Variants in WDPCP observed in about 807,000 individuals in gnomAD.
The protein encoded by WDPCP is WD repeat containing planar cell polarity effector.
In WDPCP, 71 loss-of-function variants were observed where a neutral mutation model predicts 93.1. That is an observed-to-expected ratio of 0.76 (90% CI 0.63 to 0.93). WDPCP has a LOEUF of 0.93. WDPCP is among the 40% of genes least tolerant of loss of function. The probability of loss-of-function intolerance (pLI) is 0.00; values close to 1 mark genes in which losing one functional copy is unlikely to be tolerated. For missense variants in WDPCP, 844 were observed against 887.4 expected (o/e 0.95, Z 0.62); for synonymous variants, 315 against 315.0 (o/e 1.00, Z 0.00).
intron 9 of WDPCP, 40 bp from the exon 10 acceptor site, chr2:63,404,697 G>C (rs752430931): frequency 2.5e-6 from 4 of 1,611,026 alleles, no homozygotes; most frequent in Middle Eastern, 3.3e-4. Context: ...ATAAACTTTG[G>C]TTTTTCTTCA....
chr2:63,121,834 T>G lies in WDPCP; in HGVS notation c.*172A>C. The G allele has an allele frequency of 7.2e-7, 1 of 1,396,280 alleles. No homozygotes were observed. The highest frequency in any genetic ancestry group is 9.4e-7 in the Non-Finnish European group (1 of 1,068,564). The allele number at this position is 1,396,280 out of a possible 1,614,324, so 86.5% of individuals were successfully genotyped here. A position where few individuals can be genotyped will look rare whatever the true frequency, so the allele number is the denominator to read the frequency against. On this transcript the variant is annotated 3_prime_UTR_variant, in exon 18 of 18. Transcript: ENST00000272321. ...ATCACTTTGCTGTTATGCTGCATGT[T>G]TTTGAAATAATAAAACTTTATTTTG...
chr2:63,565,747 A>G (rs1473197280), intron 1 of WDPCP, among the ~76,000 whole-genome samples: 1 of 152,196 alleles, frequency 6.6e-6, no homozygotes, highest in Non-Finnish European at 1.5e-5. Context: ...ATAACTAAAG[A>G]GAAAAGTTGT....
rs563102560 is a variant in WDPCP, at chr2:63,248,348, T to C, written c.1915+10959A>G. Among the ~76,000 whole-genome samples, 229 of 152,284 alleles carry C rather than the reference T, an allele frequency of 1.5e-3. 1 individual carries two copies. The highest frequency in any genetic ancestry group is 2.9e-3 in the Non-Finnish European group (194 of 68,000). ...ATTATTGAGAATCCCTTGTATATGATGAGTTTATTCTCTCTTGCTGCTTGC... is the reference window on the plus strand; with the variant it reads ...ATTATTGAGAATCCCTTGTATATGACGAGTTTATTCTCTCTTGCTGCTTGC... On this transcript the variant is annotated intron_variant, in intron 14 of 17. Coordinates refer to ENST00000272321, the MANE Select transcript of WDPCP (RefSeq NM_015910.7).
chr2:63,313,182 G>T, intron 13 of WDPCP, 66 bp downstream of exon 13: 1 of 1,446,630 alleles, frequency 6.9e-7, no homozygotes, highest in Non-Finnish European at 9.7e-7. Context: ...TCCTTTTTAT[G>T]GTCACAAAAG....
intron 2 of WDPCP, among the ~76,000 whole-genome samples, chr2:63,753,137 A>G (rs1169755893): frequency 6.6e-6 from 1 of 152,134 alleles, no homozygotes; most frequent in Non-Finnish European, 1.5e-5. Flanking sequence ...ATGAAGAAAT[A>G]CCTGAGACTA....
At chr2:63,222,089 C>T (rs1225955741) in intron 14 of WDPCP, among the ~76,000 whole-genome samples, 2 of 152,126 alleles carry the variant, frequency 1.3e-5, no homozygotes, top group Non-Finnish European at 2.9e-5. Context: ...GCAGGCAATT[C>T]ACCTGTGCCT....
intron 2 of WDPCP, among the ~76,000 whole-genome samples, chr2:63,775,473 TC>T (rs1172324576): frequency 6.6e-6 from 1 of 152,200 alleles, no homozygotes; most frequent in Non-Finnish European, 1.5e-5. Context: ...CTAGTATGTC[TC>T]CTAAGCAGTT....
At chr2:63,606,082 C>CT in intron 3 of WDPCP, 1 of 1,487,424 alleles carries the variant, frequency 6.7e-7, no homozygotes, top group Non-Finnish European at 9.4e-7. Flanking sequence ...ATATGTTTCT[C>CT]TTAAGAATGG....
intron 1 of WDPCP, among the ~76,000 whole-genome samples, chr2:63,522,614 G>A (rs964504872): frequency 1.3e-5 from 2 of 151,812 alleles, no homozygotes; most frequent in African/African-American, 2.4e-5. Flanking sequence ...ACACAATCAC[G>A]AATGACAAAA....
Position 63,325,930 on chromosome 2 carries a change from G to C in WDPCP, c.1749-12619C>G, listed in dbSNP as rs548155179. 2.4e-4 allele frequency among the ~76,000 whole-genome samples: 36 copies of C among 152,270 alleles called. 2 individuals are homozygous for C. The highest frequency in any genetic ancestry group is 2.2e-3 in the Admixed American group (34 of 15,284). ...CTTGGAGTCCTTACTCAGACTCGTG[G>C]GACAACCCCACAACCAGTGGCATAC... is the stretch of plus-strand genomic sequence containing the variant. On this transcript the variant is annotated intron_variant, in intron 12 of 17. Transcript: ENST00000272321.
intron 14 of WDPCP, among the ~76,000 whole-genome samples, chr2:63,234,903 G>A (rs1388206250): frequency 6.6e-6 from 1 of 152,018 alleles, no homozygotes; most frequent in Non-Finnish European, 1.5e-5. Flanking sequence ...AAGATGAAAA[G>A]TACTCCATAA....
intron 14 of WDPCP, among the ~76,000 whole-genome samples, chr2:63,224,242 A>G (rs941484645): frequency 7.9e-5 from 12 of 151,682 alleles, no homozygotes; most frequent in Admixed American, 2.6e-4. Flanking sequence ...TAGCACACTC[A>G]TGACATAAAA....
intron 2 of WDPCP, among the ~76,000 whole-genome samples, chr2:63,675,916 T>C (rs1710398645): frequency 6.6e-6 from 1 of 152,232 alleles, no homozygotes; most frequent in South Asian, 2.1e-4. Flanking sequence ...GGTTTAGTTA[T>C]ACCAAATATT....
intron 12 of WDPCP, among the ~76,000 whole-genome samples, chr2:63,367,736 A>G (rs1691028377): frequency 6.6e-6 from 1 of 152,212 alleles, no homozygotes; most frequent in Admixed American, 6.5e-5. Flanking sequence ...AAAAAACATA[A>G]GTGTTCCAAA....
chr2:63,571,743 G>C (rs750192421), intron 1 of WDPCP: 4 of 408,882 alleles, frequency 9.8e-6, no homozygotes, highest in African/African-American at 2.1e-5. Context: ...ACCATCAGGT[G>C]AAAGATGAAC....
chr2:63,588,987 C>G (rs574874073), upstream of WDPCP: 2 of 1,613,670 alleles, frequency 1.2e-6, no homozygotes, highest in East Asian at 2.2e-5. Context: ...GTAGAGGTGA[C>G]CTGACTCTCT....
At chr2:63,808,309 C>T (rs1055018637) in intron 2 of WDPCP, among the ~76,000 whole-genome samples, 1 of 136,808 alleles carries the variant, frequency 7.3e-6, no homozygotes, top group Non-Finnish European at 1.6e-5. Context: ...TCTCCCTCTC[C>T]CCTCTCCCTC....
At chr2:63,240,757 G>C (rs1382362246) in intron 14 of WDPCP, among the ~76,000 whole-genome samples, 1 of 152,156 alleles carries the variant, frequency 6.6e-6, no homozygotes, top group Non-Finnish European at 1.5e-5. Flanking sequence ...AAGTAAAGCA[G>C]AGAAAGAGGT....
At chr2:63,392,917 G>A (rs1332020056) in intron 10 of WDPCP, among the ~76,000 whole-genome samples, 2 of 152,196 alleles carry the variant, frequency 1.3e-5, no homozygotes, top group African/African-American at 4.8e-5. Context: ...TGGAGAAATA[G>A]GAACACTTTT....
Sources: allele counts gnomAD v4.1 joint callset (sites outside exome capture counted in the v4.1 genomes callset), GRCh38; gene constraint gnomAD v4.1.1; transcripts MANE v1.5; gene names NCBI Gene and HGNC (gene_info 2026-07-23, HGNC 2026-07-21).